Variants in CPNE8 observed in about 807,000 individuals in gnomAD.
CPNE8 encodes the protein copine-8.
Under a neutral mutation model 81.5 loss-of-function variants are expected in CPNE8, and 45 were observed. The ratio of observed to expected loss-of-function variants is 0.55; its 90% CI spans 0.44 to 0.71. CPNE8 has a LOEUF of 0.71. Among genes scored for constraint, CPNE8 ranks in the 30% least tolerant of loss-of-function variants. The pLI is 0.00. For synonymous variants in CPNE8, 252 were observed against 226.3 expected (o/e 1.11, Z -1.02); for missense variants, 594 against 672.1 (o/e 0.88, Z 1.28).
At chr12:38,666,938 G>A (rs936442832) in intron 19 of CPNE8, among the ~76,000 whole-genome samples, 4 of 152,292 alleles carry the variant, frequency 2.6e-5, no homozygotes, top group African/African-American at 7.2e-5. Flanking sequence ...ATTAAGGACT[G>A]AGTGATTTAA....
intron 1 of CPNE8, among the ~76,000 whole-genome samples, chr12:38,899,383 A>C (rs913715409): frequency 6.6e-6 from 1 of 151,888 alleles, no homozygotes. Context: ...CTGTAACCTG[A>C]AAAAAAAGCT....
At chr12:38,696,361 G>A (rs1466104654) in intron 14 of CPNE8, among the ~76,000 whole-genome samples, 1 of 143,720 alleles carries the variant, frequency 7.0e-6, no homozygotes, top group Non-Finnish European at 1.5e-5. Flanking sequence ...TATGGATCTT[G>A]TGTTCTATAC....
intron 19 of CPNE8, among the ~76,000 whole-genome samples, chr12:38,656,042 G>C (rs1938808111): frequency 6.7e-6 from 1 of 150,074 alleles, no homozygotes; most frequent in Non-Finnish European, 1.5e-5. Flanking sequence ...CTTTTGTGAA[G>C]TGTTTATTCC....
rs1390047778 is a variant in CPNE8, at chr12:38,653,342, T to C, written c.*540A>G. The C allele has an allele frequency of 6.6e-6, 1 of 152,612 alleles. No individual in the cohort carries two copies. Among genetic ancestry groups the C allele is most frequent in the Non-Finnish European group, 1.5e-5 (1 of 68,018 alleles). The allele number at this position is 152,612 out of a possible 1,614,324, so 9.5% of individuals were successfully genotyped here. A position where few individuals can be genotyped will look rare whatever the true frequency, so the allele number is the denominator to read the frequency against. ...GAAAAATAGAAAAGCATTTTTCCCT[T>C]CCCTTATTTGCAATTGTGTTTGTCC... On this transcript the variant is annotated 3_prime_UTR_variant, in exon 20 of 20. Coordinates refer to ENST00000331366, the MANE Select transcript of CPNE8 (RefSeq NM_153634.3).
At chr12:38,856,443 T>C (rs79065992) in intron 3 of CPNE8, among the ~76,000 whole-genome samples, 5,910 of 152,182 alleles carry the variant, frequency 0.039, 147 homozygotes, top group Non-Finnish European at 0.061. Flanking sequence ...TGAATATGGA[T>C]GTAAAAATCC....
At chr12:38,738,059 G>A (rs1381882139) in intron 10 of CPNE8, among the ~76,000 whole-genome samples, 1 of 151,972 alleles carries the variant, frequency 6.6e-6, no homozygotes, top group Non-Finnish European at 1.5e-5. Context: ...TAGCTCCCTC[G>A]CCATTCTTGC....
At chr12:38,713,611 A>C (rs540340761) in intron 13 of CPNE8, among the ~76,000 whole-genome samples, 1 of 152,278 alleles carries the variant, frequency 6.6e-6, no homozygotes, top group East Asian at 1.9e-4. Flanking sequence ...TAATTTTGAT[A>C]AGAAATTTGG....
intron 19 of CPNE8, among the ~76,000 whole-genome samples, chr12:38,661,398 A>T (rs1031627413): frequency 1.3e-5 from 2 of 152,132 alleles, no homozygotes; most frequent in African/African-American, 2.4e-5. Context: ...CATAGGTGGG[A>T]ACTGAACAAT....
intron 19 of CPNE8, among the ~76,000 whole-genome samples, chr12:38,667,792 CT>C (rs199746171): frequency 0.021 from 3,088 of 147,572 alleles, 101 homozygotes; most frequent in African/African-American, 0.069. Context: ...AGGATTCTGA[CT>C]TTTTTTTTTT....
intron 13 of CPNE8, among the ~76,000 whole-genome samples, chr12:38,709,746 C>T (rs760702718): frequency 6.6e-6 from 1 of 152,090 alleles, no homozygotes; most frequent in Non-Finnish European, 1.5e-5. Context: ...TCTGATGCTC[C>T]CATGTCAGAT....
chr12:38,665,174 T>A (rs1489784009), intron 19 of CPNE8, among the ~76,000 whole-genome samples: 1 of 152,196 alleles, frequency 6.6e-6, no homozygotes, highest in African/African-American at 2.4e-5. Context: ...TCCACTCAAC[T>A]TCTTAGGCCA....
chr12:38,785,734 A>G (rs1026955038), intron 6 of CPNE8, among the ~76,000 whole-genome samples: 3 of 152,194 alleles, frequency 2.0e-5, no homozygotes, highest in Admixed American at 1.3e-4. Flanking sequence ...ACATATATAG[A>G]CACAACAAAA....
At chr12:38,716,306 T>A (rs1411760984) in intron 13 of CPNE8, among the ~76,000 whole-genome samples, 1 of 151,964 alleles carries the variant, frequency 6.6e-6, no homozygotes, top group Non-Finnish European at 1.5e-5. Context: ...ATCCTAAAAA[T>A]CATATGGAAC....
chr12:38,700,292 G>T lies in CPNE8; in HGVS notation c.961+2583C>A, dbSNP rs1260689496. ...CTTGCTCTGTCACCCAAGCTGGAGT[G>T]CAACGGCATGATCTCGGCTCACTGC... On this transcript the variant is annotated intron_variant, in intron 14 of 19. Coordinates refer to ENST00000331366, the MANE Select transcript of CPNE8 (RefSeq NM_153634.3). Among the ~76,000 whole-genome samples the T allele has an allele frequency of 2.8e-5, 4 of 142,132 alleles. No homozygotes were observed. In the East Asian group the frequency reaches 6.3e-4, roughly 22 times the overall value. The allele number at this position is 142,132 out of a possible 152,430, so 93.2% of individuals were successfully genotyped here. A position where few individuals can be genotyped will look rare whatever the true frequency, so the allele number is the denominator to read the frequency against.
At chr12:38,833,477 A>T (rs1261803020) in intron 5 of CPNE8, among the ~76,000 whole-genome samples, 1 of 87,760 alleles carries the variant, frequency 1.1e-5, no homozygotes, top group South Asian at 4.1e-4. Flanking sequence ...ACTGAAATTA[A>T]CCTTTTTTTT....
At chr12:38,784,793 A>G (rs1485077812) in intron 6 of CPNE8, among the ~76,000 whole-genome samples, 1 of 152,242 alleles carries the variant, frequency 6.6e-6, no homozygotes, top group Non-Finnish European at 1.5e-5. Context: ...GTATCCTTCA[A>G]ACATGAATAA....
chr12:38,689,726 G>A (rs569941954), intron 15 of CPNE8, among the ~76,000 whole-genome samples: 5 of 152,310 alleles, frequency 3.3e-5, no homozygotes, highest in African/African-American at 9.6e-5. Flanking sequence ...GAAATCACTT[G>A]GACAGGTGTA....
rs1565670482 is a variant in CPNE8 at position 38,902,425 on chromosome 12, G to GAAAGAAAGAAAGAA, written c.98+3011_98+3012insTTCTTTCTTTCTTT. Among the ~76,000 whole-genome samples the GAAAGAAAGAAAGAA allele has an allele frequency of 6.9e-4, 92 of 133,236 alleles. 3 individuals carry two copies. Among genetic ancestry groups the GAAAGAAAGAAAGAA allele is most frequent in the African/African-American group, 3.4e-3 (86 of 25,300 alleles). 87.4% of individuals were successfully genotyped at this position (133,236 alleles called of 152,430 possible). A position where few individuals can be genotyped will look rare whatever the true frequency, so the allele number is the denominator to read the frequency against. On this transcript the variant is annotated intron_variant, in intron 1 of 19. Transcript: ENST00000331366. ...AAAGAAAGAAAGAAAGAAAAAGAAA[G>GAAAGAAAGAAAGAA]AAAGAAAGAAAGGAGAGAGAGAAAG...
intron 15 of CPNE8, among the ~76,000 whole-genome samples, chr12:38,687,803 T>C (rs1196126961): frequency 6.6e-6 from 1 of 152,218 alleles, no homozygotes; most frequent in Non-Finnish European, 1.5e-5. Context: ...TTTAATTTTG[T>C]CTTTTCTTCA....
Sources: gnomAD v4.1 joint callset for allele counts (sites outside exome capture counted in the v4.1 genomes callset) on GRCh38, gnomAD v4.1.1 for gene constraint, MANE v1.5 for transcripts, NCBI Gene and HGNC (gene_info 2026-07-23, HGNC 2026-07-21) for gene names.